POTEC: variants seen among roughly 807,000 people sequenced by gnomAD.
The protein encoded by POTEC is POTE ankyrin domain family member C, also known as ANKRD26-like family B member 2.
In POTEC, 35 loss-of-function variants were observed where a neutral mutation model predicts 62.0. The observed-to-expected ratio is 0.56, with a 90% CI of 0.43 to 0.75. The LOEUF (loss-of-function observed/expected upper bound fraction) is 0.75, where lower values mean the gene tolerates loss of function less well. Among genes scored for constraint, POTEC ranks in the 30% least tolerant of loss-of-function variants. The pLI, the probability that POTEC is intolerant of heterozygous loss-of-function variation, is 0.00. For missense variants in POTEC, 472 were observed against 655.9 expected (o/e 0.72, Z 3.06); for synonymous variants, 156 against 221.5 (o/e 0.70, Z 2.62).
At chr18:14,512,555 A>G (rs1481245621) in intron 10 of POTEC, among the ~76,000 whole-genome samples, 1 of 152,236 alleles carries the variant, frequency 6.6e-6, no homozygotes, top group Non-Finnish European at 1.5e-5. Context: ...TAAGCATTGC[A>G]CTTCTACCTA....
intron 3 of POTEC, among the ~76,000 whole-genome samples, chr18:14,537,319 C>G (rs1056130448): frequency 3.3e-5 from 5 of 150,874 alleles, no homozygotes; most frequent in Non-Finnish European, 7.4e-5. Flanking sequence ...CTTTCCACTT[C>G]TGCCTCATGA....
chr18:14,540,282 A>C (rs1438481568), intron 1 of POTEC, among the ~76,000 whole-genome samples: 1 of 152,224 alleles, frequency 6.6e-6, no homozygotes, highest in Non-Finnish European at 1.5e-5. Flanking sequence ...AATTATTTGT[A>C]TCTATGCAAG....
chr18:14,543,033 G>A lies in POTEC; in HGVS notation c.114C>T (p.Ser38=), dbSNP rs542255190. ...FHHRFPCCKG[S]GKSNMGTSGD... is the part of the protein sequence containing the mutation. Reference sequence around the variant, plus strand: ...CAGAAGTGCCCATGTTGCTCTTGCCGCTCCCCTTGCAGCAGGGGAAGCGGT... The same window carrying A: ...CAGAAGTGCCCATGTTGCTCTTGCCACTCCCCTTGCAGCAGGGGAAGCGGT... The change falls in exon 1 of 11, where the codon AGC becomes AGT. Residue 38 remains serine (S), a synonymous_variant. Coordinates refer to ENST00000358970, the MANE Select transcript of POTEC (RefSeq NM_001137671.2). 4 of 1,605,842 alleles carry A rather than the reference G, an allele frequency of 2.5e-6. No homozygotes were observed. The highest frequency in any genetic ancestry group is 1.1e-5 in the South Asian group (1 of 90,562).
rs1293742312 is a variant in POTEC, at chr18:14,516,333, TATAC to T, written c.1410-2552_1410-2549del. On this transcript the variant is annotated intron_variant, in intron 9 of 10. Coordinates refer to ENST00000358970, the MANE Select transcript of POTEC (RefSeq NM_001137671.2). ...ATATATATATATATATATATATATATATACCTATACCTGAGACTGGGTAATTCAT... is the reference window on the plus strand; with the variant it reads ...ATATATATATATATATATATATATATCTATACCTGAGACTGGGTAATTCAT... Among the ~76,000 whole-genome samples the T allele has an allele frequency of 7.6e-4, 56 of 73,280 alleles. 2 individuals are homozygous for T. The highest frequency in any genetic ancestry group is 4.6e-3 in the South Asian group (9 of 1,974). 48.1% of individuals were successfully genotyped at this position (73,280 alleles called of 152,430 possible).
At chr18:14,538,517 G>T (rs1038363015) in intron 1 of POTEC, among the ~76,000 whole-genome samples, 1 of 151,994 alleles carries the variant, frequency 6.6e-6, no homozygotes, top group African/African-American at 2.4e-5. Flanking sequence ...CCTAGCTGTT[G>T]CTTAGCCTTT....
intron 9 of POTEC, among the ~76,000 whole-genome samples, chr18:14,521,165 T>G (rs920898458): frequency 1.3e-5 from 2 of 152,118 alleles, no homozygotes; most frequent in Non-Finnish European, 2.9e-5. Flanking sequence ...ATATTCAGAT[T>G]GAAGGTCCAA....
In POTEC at chr18:14,512,083, T is replaced by C. The variant is rs1910023923; in HGVS notation, c.1534-90A>G. ...AATTAAAGAATGACATTTATATTTG[T>C]ATAATGAAATAATTCCCATAGTGGA... On this transcript the variant is annotated intron_variant, in intron 10 of 10. Coordinates refer to ENST00000358970, the MANE Select transcript of POTEC (RefSeq NM_001137671.2). The C allele has an allele frequency of 4.7e-6, 5 of 1,062,372 alleles. No homozygotes were observed. In the South Asian group the frequency reaches 7.7e-5, roughly 16 times the overall value. 65.8% of individuals were successfully genotyped at this position (1,062,372 alleles called of 1,614,324 possible). A position where few individuals can be genotyped will look rare whatever the true frequency, so the allele number is the denominator to read the frequency against.
intron 6 of POTEC, among the ~76,000 whole-genome samples, chr18:14,530,221 G>C (rs572701204): frequency 1.3e-5 from 2 of 152,054 alleles, no homozygotes; most frequent in South Asian, 4.2e-4. Context: ...TTTGCCCCCA[G>C]ATGAGACCAT....
Position 14,535,009 on chromosome 18 carries a change from TGTAAA to T in POTEC, c.811-7_811-3del. On this transcript the variant is annotated splice_polypyrimidine_tract_variant and splice_region_variant and intron_variant, in intron 3 of 10. Coordinates refer to ENST00000358970, the MANE Select transcript of POTEC (RefSeq NM_001137671.2). ...AAGCAAAAGTGGTGTGAGGCCACACTGTAAAACAATATAAAACAAAAACAATATGT... is the reference window on the plus strand; with the variant it reads ...AAGCAAAAGTGGTGTGAGGCCACACTACAATATAAAACAAAAACAATATGT... The T allele has an allele frequency of 6.4e-7, 1 of 1,572,326 alleles. No homozygotes were observed.
rs550311266 is a variant in POTEC, at chr18:14,516,995, T to C, written c.1410-3210A>G. On this transcript the variant is annotated intron_variant, in intron 9 of 10. Coordinates refer to ENST00000358970, the MANE Select transcript of POTEC (RefSeq NM_001137671.2). Reference sequence around the variant, plus strand: ...AGAGACTAAAATCTCCTACTGGAGATTATGTTAGGACTTGAGCAAAAGCTT... The same window carrying C: ...AGAGACTAAAATCTCCTACTGGAGACTATGTTAGGACTTGAGCAAAAGCTT... Among the ~76,000 whole-genome samples, 4 of 150,554 alleles carry C rather than the reference T, an allele frequency of 2.7e-5. No homozygotes were observed. The East Asian group carries it at 7.9e-4, about 30-fold the overall frequency.
chr18:14,511,641 C>A lies in POTEC; in HGVS notation c.*257G>T. 1 of 562,112 alleles carries A rather than the reference C, an allele frequency of 1.8e-6. No individual in the cohort carries two copies. The allele number at this position is 562,112 out of a possible 1,614,324, so 34.8% of individuals were successfully genotyped here. Reference sequence around the variant, plus strand: ...TGACTTTGATCACAATCATGTAGAGCAGTAGTCAGTCTACAATGACATGAT... The same window carrying A: ...TGACTTTGATCACAATCATGTAGAGAAGTAGTCAGTCTACAATGACATGAT... On this transcript the variant is annotated 3_prime_UTR_variant, in exon 11 of 11. Transcript: ENST00000358970.
chr18:14,542,658 G>A lies in POTEC; in HGVS notation c.489C>T (p.Asp163=). 6.2e-7 allele frequency: 1 copy of A among 1,612,738 alleles called. No individual in the cohort carries two copies. The change falls in exon 1 of 11, where the codon GAC becomes GAT. Residue 163 remains aspartate, a synonymous_variant. Coordinates refer to ENST00000358970, the MANE Select transcript of POTEC (RefSeq NM_001137671.2). Reference sequence around the variant, plus strand: ...GCTTGTCCCTCTTGTTCATGTCCGTGTCCCTGAGCATGACGATGAGATCCT... The same window carrying A: ...GCTTGTCCCTCTTGTTCATGTCCGTATCCCTGAGCATGACGATGAGATCCT... ...PRKDLIVMLR[D]TDMNKRDKQK...
intron 9 of POTEC, among the ~76,000 whole-genome samples, chr18:14,519,364 G>A (rs1421706405): frequency 3.3e-5 from 5 of 152,152 alleles, no homozygotes. Context: ...CTGGAATTAA[G>A]GAGAGAGATC....
intron 7 of POTEC, 56 bp downstream of exon 7, chr18:14,524,857 G>A (rs534250091): frequency 2.1e-5 from 33 of 1,583,592 alleles, no homozygotes; most frequent in Admixed American, 1.4e-4. Flanking sequence ...ATCTAATATC[G>A]TTAAAGCAAA....
intron 9 of POTEC, among the ~76,000 whole-genome samples, chr18:14,516,886 A>T (rs1910178269): frequency 1.3e-5 from 2 of 151,686 alleles, no homozygotes; most frequent in Non-Finnish European, 2.9e-5. Flanking sequence ...TATCACCGTT[A>T]TTGTACTGAG....
At chr18:14,519,988 A>C (rs1910268965) in intron 9 of POTEC, among the ~76,000 whole-genome samples, 3 of 152,192 alleles carry the variant, frequency 2.0e-5, no homozygotes. Context: ...TTACAGAAAA[A>C]AATTAGTGAT....
At chr18:14,518,790 C>T (rs979221360) in intron 9 of POTEC, among the ~76,000 whole-genome samples, 10 of 147,088 alleles carry the variant, frequency 6.8e-5, no homozygotes, top group African/African-American at 2.5e-4. Context: ...CAGAGGTGTG[C>T]CTGGCATCTT....
At chr18:14,536,986 C>T (rs1905739207) in intron 3 of POTEC, among the ~76,000 whole-genome samples, 1 of 151,736 alleles carries the variant, frequency 6.6e-6, no homozygotes, top group South Asian at 2.1e-4. Context: ...ATTCCTTCTA[C>T]TCAAGGGTTT....
At chr18:14,538,803 A>G (rs1156422845) in intron 1 of POTEC, among the ~76,000 whole-genome samples, 7 of 152,222 alleles carry the variant, frequency 4.6e-5, no homozygotes, top group Admixed American at 4.6e-4. Context: ...TAAGATGGTC[A>G]TTGTCTCCAT....
Sources: gnomAD v4.1 joint callset for allele counts (sites outside exome capture counted in the v4.1 genomes callset) on GRCh38, gnomAD v4.1.1 for gene constraint, MANE v1.5 for transcripts, NCBI Gene and HGNC (gene_info 2026-07-23, HGNC 2026-07-21) for gene names.